Variants in PHKA1 observed in about 807,000 individuals in gnomAD.
PHKA1 encodes phosphorylase kinase regulatory subunit alpha 1.
In PHKA1, 60 loss-of-function variants were observed where a neutral mutation model predicts 110.2. That is an observed-to-expected ratio of 0.54 (90% CI 0.44 to 0.68). The LOEUF (loss-of-function observed/expected upper bound fraction) is 0.68, where lower values mean the gene tolerates loss of function less well. Ranked by LOEUF, PHKA1 falls within the 30% of genes least tolerant of loss-of-function variation. The pLI is 0.00. For synonymous variants in PHKA1, 316 were observed against 333.6 expected, an observed-to-expected ratio of 0.95 and a Z score of 0.58; for missense variants, 801 against 942.5, an observed-to-expected ratio of 0.85 and a Z score of 1.97.
intron 6 of PHKA1, among the ~76,000 whole-genome samples, chrX:72,671,746 C>T (rs1411123977): frequency 1.8e-5 from 2 of 111,026 alleles, no homozygotes; most frequent in Non-Finnish European, 3.8e-5. Context: ...GAGATATAGA[C>T]CGATGGAACA....
Position 72,602,383 on chromosome X carries a change from TA to T in PHKA1, c.2918-111del, listed in dbSNP as rs2052669783. ...ATATATCCTTATTTTTAACTTAATT[TA>T]AAAACTATAACCTTGCTATTTGAAA... On this transcript the variant is annotated intron_variant, in intron 26 of 31. Coordinates refer to ENST00000373542, the MANE Select transcript of PHKA1 (RefSeq NM_002637.4). 4 of 521,088 alleles carry T rather than the reference TA, an allele frequency of 7.7e-6. No individual in the cohort carries two copies. The South Asian group carries it at 1.1e-4, about 14-fold the overall frequency. The allele number at this position is 521,088 out of a possible 1,213,427, so 42.9% of individuals were successfully genotyped here. A position where few individuals can be genotyped will look rare whatever the true frequency, so the allele number is the denominator to read the frequency against.
intron 1 of PHKA1, 105 bp downstream of exon 1, chrX:72,713,698 A>ACACC (rs1319250298): frequency 4.7e-5 from 29 of 613,934 alleles, no homozygotes; most frequent in East Asian, 3.2e-4. Flanking sequence ...ACACACACAC[A>ACACC]CACCCACACA....
intron 28 of PHKA1, among the ~76,000 whole-genome samples, chrX:72,595,471 A>G (rs1334425407): frequency 9.0e-6 from 1 of 111,696 alleles, no homozygotes; most frequent in Non-Finnish European, 1.9e-5. Flanking sequence ...AAAAGAAATA[A>G]AAGGCATCCA....
chrX:72,623,752 A>T (rs2053013512), intron 17 of PHKA1, among the ~76,000 whole-genome samples: 1 of 111,833 alleles, frequency 8.9e-6, no homozygotes, highest in African/African-American at 3.2e-5. Flanking sequence ...AGACAATTAC[A>T]AAACCCAAAA....
Position 72,605,626 on chromosome X carries a change from A to G in PHKA1, c.2607-7T>C, listed in dbSNP as rs183290928. 20 of 1,165,734 alleles carry G rather than the reference A, an allele frequency of 1.7e-5. No individual in the cohort carries two copies. In the Admixed American group the frequency reaches 4.4e-4, roughly 26 times the overall value. On this transcript the variant is annotated splice_region_variant and splice_polypyrimidine_tract_variant and intron_variant, in intron 23 of 31. Coordinates refer to ENST00000373542, the MANE Select transcript of PHKA1 (RefSeq NM_002637.4). ...CGCCTCATAGGGCAGAGGTCTAAGG[A>G]AAAAGACAGCAAAGAAAGACAATAT...
intron 25 of PHKA1, 79 bp downstream of exon 25, chrX:72,605,192 T>C: frequency 1.0e-6 from 1 of 959,966 alleles, no homozygotes; most frequent in Non-Finnish European, 1.5e-6. Flanking sequence ...TGTTTTAGCT[T>C]TCTTTCTTTC....
intron 16 of PHKA1, among the ~76,000 whole-genome samples, chrX:72,627,649 T>G (rs1303323059): frequency 9.0e-6 from 1 of 111,470 alleles, no homozygotes; most frequent in African/African-American, 3.3e-5. Flanking sequence ...TACATCTTGA[T>G]GCACTTATTC....
At chrX:72,624,279 G>C (rs181997146) in intron 17 of PHKA1, among the ~76,000 whole-genome samples, 1 of 111,772 alleles carries the variant, frequency 8.9e-6, no homozygotes, top group African/African-American at 3.3e-5. Flanking sequence ...TCTCATACCA[G>C]AAGCAGAGTT....
intron 4 of PHKA1, among the ~76,000 whole-genome samples, chrX:72,694,075 G>T (rs1322532734): frequency 8.9e-6 from 1 of 111,982 alleles, no homozygotes; most frequent in Non-Finnish European, 1.9e-5. Flanking sequence ...CATTCTGTAA[G>T]TTGCAGTCAA....
intron 4 of PHKA1, among the ~76,000 whole-genome samples, chrX:72,686,484 A>G (rs2053968322): frequency 8.9e-6 from 1 of 112,335 alleles, no homozygotes; most frequent in Admixed American, 9.4e-5. Context: ...TTTAATAGCT[A>G]CAGAACATTT....
At chrX:72,642,882 C>G (rs781900347) in intron 14 of PHKA1, among the ~76,000 whole-genome samples, 21 of 111,746 alleles carry the variant, frequency 1.9e-4, no homozygotes, top group Admixed American at 8.6e-4. Context: ...AGCAAAGTTT[C>G]TTTAGAAAAT....
At position 72,579,479 on chromosome X, in the gene PHKA1, G is replaced by A. The variant is rs2052305624; in HGVS notation, c.*1523C>T. On this transcript the variant is annotated 3_prime_UTR_variant, in exon 32 of 32. Coordinates refer to ENST00000373542, the MANE Select transcript of PHKA1 (RefSeq NM_002637.4). ...AGGAAGTTATCTAAGTGCAAAAAGG[G>A]AAGTTAACAGAGTCTCTGCACAATT... 9.0e-6 allele frequency: 1 copy of A among 111,626 alleles called. No individual in the cohort carries two copies. Among genetic ancestry groups the A allele is most frequent in the African/African-American group, 3.3e-5 (1 of 30,639 alleles). The allele number at this position is 111,626 out of a possible 1,213,427, so 9.2% of individuals were successfully genotyped here.
At chrX:72,693,951 T>G (rs1556324777) in intron 4 of PHKA1, among the ~76,000 whole-genome samples, 3 of 112,095 alleles carry the variant, frequency 2.7e-5, no homozygotes, top group African/African-American at 9.7e-5. Context: ...TTTCTCTACC[T>G]GCTGTATGTC....
intron 4 of PHKA1, among the ~76,000 whole-genome samples, chrX:72,692,641 T>C (rs1556322842): frequency 8.9e-6 from 1 of 111,970 alleles, no homozygotes; most frequent in African/African-American, 3.2e-5. Flanking sequence ...TATTCCCCTT[T>C]AGTTCTTTAT....
rs868938997 is a variant in PHKA1, at chrX:72,695,364, A to T, written c.454+344T>A. ...GAAAAGGATATAGTATTCAATAATT[A>T]AAAAATTTGGATTCTGATTCCTAAG... On this transcript the variant is annotated intron_variant, in intron 4 of 31. Transcript: ENST00000373542. 1.3e-4 allele frequency among the ~76,000 whole-genome samples: 15 copies of T among 111,988 alleles called. No individual in the cohort carries two copies. The Middle Eastern group carries it at 0.014, about 103-fold the overall frequency.
At chrX:72,619,983 C>T (rs782473770) in intron 19 of PHKA1, among the ~76,000 whole-genome samples, 1 of 111,866 alleles carries the variant, frequency 8.9e-6, no homozygotes, top group South Asian at 3.8e-4. Context: ...TTCATATAAG[C>T]CCTTTCTCGA....
chrX:72,705,492 A>G (rs1174472380), intron 2 of PHKA1, among the ~76,000 whole-genome samples: 2 of 112,332 alleles, frequency 1.8e-5, no homozygotes, highest in Admixed American at 9.5e-5. Flanking sequence ...TTATGTAAAA[A>G]TAAGCCAACC....
chrX:72,656,478 A>C (rs2053498306), intron 9 of PHKA1, among the ~76,000 whole-genome samples: 2 of 112,439 alleles, frequency 1.8e-5, no homozygotes, highest in Non-Finnish European at 3.8e-5. Flanking sequence ...ATTGGTTTGC[A>C]ATAAAGTTCA....
intron 3 of PHKA1, among the ~76,000 whole-genome samples, chrX:72,698,535 G>A (rs782450578): frequency 8.9e-6 from 1 of 112,342 alleles, no homozygotes; most frequent in Non-Finnish European, 1.9e-5. Context: ...ACTATCAGGT[G>A]TCAAAATTTG....
Sources: gnomAD v4.1 joint callset for allele counts (sites outside exome capture counted in the v4.1 genomes callset) on GRCh38, gnomAD v4.1.1 for gene constraint, MANE v1.5 for transcripts, NCBI Gene and HGNC (gene_info 2026-07-23, HGNC 2026-07-21) for gene names.